CLSTN2: variants seen among roughly 807,000 people sequenced by gnomAD.
CLSTN2 encodes the protein calsyntenin 2.
In CLSTN2, 48 loss-of-function variants were observed where a neutral mutation model predicts 101.2. The observed-to-expected ratio is 0.47, with a 90% CI of 0.38 to 0.60. The LOEUF (loss-of-function observed/expected upper bound fraction) is 0.60. Among genes scored for constraint, CLSTN2 ranks in the 20% least tolerant of loss-of-function variants. The pLI is 0.00. For missense variants in CLSTN2, 1,160 were observed against 1,238.2 expected, an observed-to-expected ratio of 0.94 and a Z score of 0.95; for synonymous variants, 481 against 463.6, an observed-to-expected ratio of 1.04 and a Z score of -0.48.
At chr3:140,158,880 G>A (rs2010001286) in intron 1 of CLSTN2, among the ~76,000 whole-genome samples, 1 of 152,082 alleles carries the variant, frequency 6.6e-6, no homozygotes, top group Non-Finnish European at 1.5e-5. Context: ...AGCCGCACAG[G>A]TACAGCCATC....
chr3:140,493,364 T>C (rs1001428375), intron 8 of CLSTN2, among the ~76,000 whole-genome samples: 3 of 152,220 alleles, frequency 2.0e-5, no homozygotes, highest in Non-Finnish European at 4.4e-5. Flanking sequence ...TAATTAAATC[T>C]GTGTTATTAT....
At chr3:140,332,416 A>G (rs2087392604) in intron 2 of CLSTN2, among the ~76,000 whole-genome samples, 1 of 152,252 alleles carries the variant, frequency 6.6e-6, no homozygotes, top group Non-Finnish European at 1.5e-5. Flanking sequence ...CAGCAGGAAG[A>G]CATGCCAGCT....
chr3:140,480,516 C>T (rs114572724), intron 8 of CLSTN2, among the ~76,000 whole-genome samples: 4,512 of 152,284 alleles, frequency 0.03, 118 homozygotes, highest in Non-Finnish European at 0.046. Context: ...CCTGAGGAAT[C>T]GCCAACTGAC....
intron 1 of CLSTN2, among the ~76,000 whole-genome samples, chr3:140,094,528 A>C (rs2008835459): frequency 6.6e-6 from 1 of 152,210 alleles, no homozygotes; most frequent in Non-Finnish European, 1.5e-5. Flanking sequence ...CAAGGAAATG[A>C]ATTTTTATTT....
chr3:140,440,283 C>T (rs1348353163), intron 5 of CLSTN2, among the ~76,000 whole-genome samples: 3 of 152,168 alleles, frequency 2.0e-5, no homozygotes, highest in Non-Finnish European at 4.4e-5. Flanking sequence ...GATATGTATC[C>T]TTCCCCCACT....
intron 2 of CLSTN2, among the ~76,000 whole-genome samples, chr3:140,358,297 G>T (rs560752464): frequency 6.6e-6 from 1 of 152,228 alleles, no homozygotes; most frequent in South Asian, 2.1e-4. Context: ...CTGGGCTGGG[G>T]TCAGCAGCTT....
At chr3:140,446,850 T>C (rs927099421) in intron 5 of CLSTN2, among the ~76,000 whole-genome samples, 8 of 152,242 alleles carry the variant, frequency 5.3e-5, no homozygotes, top group Admixed American at 3.9e-4. Context: ...TTTCCTTTCA[T>C]AGCACTTACT....
At position 140,202,368 on chromosome 3, in the gene CLSTN2, G is replaced by C. The variant is rs2010728770; in HGVS notation, c.232+26295G>C. ...GTATGTTTGGAAGGCCGAGCTAACA[G>C]GATTTCCTGATGTGTTCTATCTGAG... On this transcript the variant is annotated intron_variant, in intron 2 of 16. Transcript: ENST00000458420. Among the ~76,000 whole-genome samples the C allele has an allele frequency of 1.3e-5, 2 of 152,300 alleles. 1 individual carries two copies. The highest frequency in any genetic ancestry group is 4.1e-4 in the South Asian group (2 of 4,822).
intron 2 of CLSTN2, among the ~76,000 whole-genome samples, chr3:140,176,449 T>G (rs2010326453): frequency 6.6e-6 from 1 of 152,134 alleles, no homozygotes; most frequent in African/African-American, 2.4e-5. Context: ...AAGTGGAGAC[T>G]CATAGCTTGG....
At chr3:140,329,904 G>A (rs2087365635) in intron 2 of CLSTN2, among the ~76,000 whole-genome samples, 1 of 152,232 alleles carries the variant, frequency 6.6e-6, no homozygotes, top group African/African-American at 2.4e-5. Flanking sequence ...GGGCCAAGTT[G>A]GTGCCTTTTT....
chr3:140,525,309 GA>G (rs1935114508), intron 8 of CLSTN2, among the ~76,000 whole-genome samples: 1 of 152,144 alleles, frequency 6.6e-6, no homozygotes, highest in South Asian at 2.1e-4. Flanking sequence ...AGACCATTAT[GA>G]AAACCTCTCT....
chr3:140,417,234 C>T (rs2088442215), intron 4 of CLSTN2, among the ~76,000 whole-genome samples: 1 of 152,088 alleles, frequency 6.6e-6, no homozygotes, highest in African/African-American at 2.4e-5. Context: ...TCTTTATAAT[C>T]ACCACTTTTA....
chr3:140,513,583 C>CTTTTTTTTTTTTTTTTTTTT (rs55778787), intron 8 of CLSTN2, among the ~76,000 whole-genome samples: 12 of 117,744 alleles, frequency 1.0e-4, no homozygotes, highest in Middle Eastern at 5.1e-3. Flanking sequence ...TTTTTTCTTT[C>CTTTTTTTTTTTTTTTTTTTT]TTTTTTTTTT....
chr3:140,083,726 C>T (rs574469663), intron 1 of CLSTN2, among the ~76,000 whole-genome samples: 2 of 152,212 alleles, frequency 1.3e-5, no homozygotes, highest in East Asian at 3.9e-4. Context: ...TTTATCCCAC[C>T]TGTGCTGGGG....
At chr3:140,427,464 T>C (rs1455120998) in intron 5 of CLSTN2, among the ~76,000 whole-genome samples, 1 of 151,844 alleles carries the variant, frequency 6.6e-6, no homozygotes, top group Non-Finnish European at 1.5e-5. Context: ...GAGTCCATTT[T>C]AGAGAAAAGA....
At chr3:140,049,714 G>A (rs1232689135) in intron 1 of CLSTN2, among the ~76,000 whole-genome samples, 2 of 152,196 alleles carry the variant, frequency 1.3e-5, no homozygotes, top group Non-Finnish European at 2.9e-5. Flanking sequence ...ACTTAACAGG[G>A]TCATGGGAAG....
intron 1 of CLSTN2, among the ~76,000 whole-genome samples, chr3:140,019,246 G>T (rs2007260543): frequency 6.6e-6 from 1 of 152,178 alleles, no homozygotes; most frequent in South Asian, 2.1e-4. Flanking sequence ...TTTTTGTGAG[G>T]TGTTGTTTAG....
At chr3:140,298,785 T>C (rs1576504831) in intron 2 of CLSTN2, among the ~76,000 whole-genome samples, 1 of 152,148 alleles carries the variant, frequency 6.6e-6, no homozygotes, top group Non-Finnish European at 1.5e-5. Flanking sequence ...GAGAACAGAA[T>C]GCATGGTGTA....
intron 8 of CLSTN2, among the ~76,000 whole-genome samples, chr3:140,470,802 G>A (rs926293340): frequency 1.3e-5 from 2 of 152,172 alleles, no homozygotes; most frequent in African/African-American, 4.8e-5. Flanking sequence ...TGGAGCCGGT[G>A]GCAGGGGCTA....
Sources: allele counts gnomAD v4.1 joint callset (sites outside exome capture counted in the v4.1 genomes callset), GRCh38; gene constraint gnomAD v4.1.1; transcripts MANE v1.5; gene names NCBI Gene and HGNC (gene_info 2026-07-23, HGNC 2026-07-21).